CLYBL: variants seen among roughly 807,000 people sequenced by gnomAD.
CLYBL encodes citramalyl-CoA lyase, also known as citramalyl-CoA lyase, mitochondrial.
In CLYBL, 31 loss-of-function variants were observed where a neutral mutation model predicts 38.9. That is an observed-to-expected ratio of 0.80 (90% CI 0.60 to 1.08). The LOEUF (loss-of-function observed/expected upper bound fraction) is 1.08. Ranked by LOEUF, CLYBL falls within the 50% of genes least tolerant of loss-of-function variation. The probability of loss-of-function intolerance (pLI) is 0.00; values close to 1 mark genes in which losing one functional copy is unlikely to be tolerated. For missense variants in CLYBL, 434 were observed against 411.6 expected, an observed-to-expected ratio of 1.05 and a Z score of -0.47; for synonymous variants, 171 against 158.6, an observed-to-expected ratio of 1.08 and a Z score of -0.59.
At chr13:99,712,689 CTT>C (rs2048254050) in intron 1 of CLYBL, among the ~76,000 whole-genome samples, 2 of 152,210 alleles carry the variant, frequency 1.3e-5, no homozygotes, top group South Asian at 2.1e-4. Flanking sequence ...TCTTCCAACT[CTT>C]TGACAAAGTC....
chr13:99,720,485 C>T (rs2048377492), intron 1 of CLYBL, among the ~76,000 whole-genome samples: 1 of 152,084 alleles, frequency 6.6e-6, no homozygotes, highest in Non-Finnish European at 1.5e-5. Context: ...TCCTTTGGAT[C>T]CCACTCTTTT....
At chr13:99,846,514 C>G (rs980196924) in intron 2 of CLYBL, among the ~76,000 whole-genome samples, 12 of 152,230 alleles carry the variant, frequency 7.9e-5, no homozygotes, top group Admixed American at 2.0e-4. Flanking sequence ...CATCACATAG[C>G]TGATTGTATT....
chr13:99,676,202 T>TTCCTTCCCTCCGTCCG (rs1555351252), intron 1 of CLYBL, among the ~76,000 whole-genome samples: 19 of 66,450 alleles, frequency 2.9e-4, no homozygotes, highest in African/African-American at 6.5e-4. Context: ...CCTTCCTTCC[T>TTCCTTCCCTCCGTCCG]TCCTTCCTTC....
At chr13:99,635,907 C>G (rs186114904) in intron 1 of CLYBL, among the ~76,000 whole-genome samples, 1 of 152,236 alleles carries the variant, frequency 6.6e-6, no homozygotes, top group East Asian at 1.9e-4. Context: ...GGTGTGGTTC[C>G]TATTATAGCT....
intron 1 of CLYBL, among the ~76,000 whole-genome samples, chr13:99,613,940 G>A (rs2046667989): frequency 6.6e-6 from 1 of 152,168 alleles, no homozygotes; most frequent in Non-Finnish European, 1.5e-5. Flanking sequence ...GGGAGGCAGA[G>A]GGCCCAATCC....
At chr13:99,709,330 ATGTC>A (rs1424744232) in intron 1 of CLYBL, among the ~76,000 whole-genome samples, 1 of 152,060 alleles carries the variant, frequency 6.6e-6, no homozygotes, top group Non-Finnish European at 1.5e-5. Flanking sequence ...GAGACAATAA[ATGTC>A]TGTCAGTGAA....
At chr13:99,854,396 C>T (rs1755781685) in intron 2 of CLYBL, among the ~76,000 whole-genome samples, 1 of 150,868 alleles carries the variant, frequency 6.6e-6, no homozygotes, top group Non-Finnish European at 1.5e-5. Context: ...TCACAATCCC[C>T]CTTGAATCTC....
intron 2 of CLYBL, among the ~76,000 whole-genome samples, chr13:99,837,466 A>ATGTT (rs2050966004): frequency 6.6e-6 from 1 of 152,218 alleles, no homozygotes; most frequent in African/African-American, 2.4e-5. Context: ...ATAAAATAAA[A>ATGTT]TGTTTAAAAA....
rs150423963 is a variant in CLYBL at position 99,757,281 on chromosome 13, C to A, written c.63-15543C>A. 1.3e-3 allele frequency among the ~76,000 whole-genome samples: 192 copies of A among 152,130 alleles called. 1 individual carries two copies. The highest frequency in any genetic ancestry group is 4.4e-3 in the African/African-American group (184 of 41,506). On this transcript the variant is annotated intron_variant, in intron 1 of 8. Transcript: ENST00000339105. Reference sequence around the variant, plus strand: ...AGTTTGTGGAAACCTGATTGAGTTTCATTGCTTTCACAGCATCTACTTGTA... The same window carrying A: ...AGTTTGTGGAAACCTGATTGAGTTTAATTGCTTTCACAGCATCTACTTGTA...
intron 2 of CLYBL, among the ~76,000 whole-genome samples, chr13:99,838,037 G>C (rs754034592): frequency 3.3e-5 from 5 of 152,108 alleles, no homozygotes; most frequent in Non-Finnish European, 5.9e-5. Context: ...ATCTGTGAAT[G>C]CTTCTTGAAT....
At chr13:99,697,661 CT>C (rs1345788134) in intron 1 of CLYBL, among the ~76,000 whole-genome samples, 488 of 135,470 alleles carry the variant, frequency 3.6e-3, no homozygotes, top group East Asian at 0.011. Context: ...TTCTTTCTTT[CT>C]TTTTTTTTTT....
intron 1 of CLYBL, among the ~76,000 whole-genome samples, chr13:99,694,759 T>A (rs2047954588): frequency 6.6e-6 from 1 of 152,238 alleles, no homozygotes; most frequent in African/African-American, 2.4e-5. Flanking sequence ...AGTTGCTGTC[T>A]TGCGCATGTG....
intron 1 of CLYBL, among the ~76,000 whole-genome samples, chr13:99,671,105 T>G (rs2047558980): frequency 6.6e-6 from 1 of 152,160 alleles, no homozygotes; most frequent in Non-Finnish European, 1.5e-5. Context: ...TCAGGGTTGT[T>G]GCACTAGCTG....
At chr13:99,792,783 C>T (rs536175119) in intron 2 of CLYBL, among the ~76,000 whole-genome samples, 48 of 152,250 alleles carry the variant, frequency 3.2e-4, no homozygotes, top group Middle Eastern at 3.4e-3. Flanking sequence ...GCAAGGCCTC[C>T]TGTAGTCACC....
At chr13:99,841,796 C>CTT (rs1434150943) in intron 2 of CLYBL, among the ~76,000 whole-genome samples, 3 of 144,246 alleles carry the variant, frequency 2.1e-5, no homozygotes, top group African/African-American at 7.8e-5. Context: ...TCTTTCTTTT[C>CTT]TTTTCTTTTC....
chr13:99,905,962 C>T (rs563334632), intron 9 of CLYBL, among the ~76,000 whole-genome samples: 5 of 152,142 alleles, frequency 3.3e-5, no homozygotes, highest in African/African-American at 7.2e-5. Context: ...TTTGTAGAAA[C>T]GGGGTCTCAC....
intron 1 of CLYBL, 149 bp downstream of exon 1, chr13:99,606,906 C>G: frequency 8.0e-7 from 1 of 1,254,490 alleles, no homozygotes; most frequent in Non-Finnish European, 1.0e-6. Flanking sequence ...CGCGCTGGCT[C>G]GACCTCGTCC....
intron 7 of CLYBL, among the ~76,000 whole-genome samples, chr13:99,886,635 C>T (rs1389598977): frequency 2.6e-5 from 4 of 152,228 alleles, no homozygotes; most frequent in Admixed American, 6.5e-5. Context: ...CCATTGCGTC[C>T]GGAGTTCCAC....
chr13:99,781,257 G>A lies in CLYBL; in HGVS notation c.249+8247G>A, dbSNP rs931589103. On this transcript the variant is annotated intron_variant, in intron 2 of 8. Coordinates refer to ENST00000339105, the MANE Select transcript of CLYBL (RefSeq NM_206808.5). Reference sequence around the variant, plus strand: ...GCGATCTTGGCTCACTGCTAGCTCCGCCTCCTGTGTTCACGCCATTCTCCT... The same window carrying A: ...GCGATCTTGGCTCACTGCTAGCTCCACCTCCTGTGTTCACGCCATTCTCCT... Among the ~76,000 whole-genome samples the A allele has an allele frequency of 5.9e-5, 9 of 151,692 alleles. No homozygotes were observed. In the East Asian group the frequency reaches 1.2e-3, roughly 20 times the overall value.
Sources: allele counts gnomAD v4.1 joint callset (sites outside exome capture counted in the v4.1 genomes callset), GRCh38; gene constraint gnomAD v4.1.1; transcripts MANE v1.5; gene names NCBI Gene and HGNC (gene_info 2026-07-23, HGNC 2026-07-21).